Variants in PIP4K2A observed in about 807,000 individuals in gnomAD.
PIP4K2A encodes phosphatidylinositol-5-phosphate 4-kinase type 2 alpha.
In PIP4K2A, 14 loss-of-function variants were observed where a neutral mutation model predicts 42.9. The observed-to-expected ratio is 0.33, with a 90% CI of 0.22 to 0.51. The LOEUF is 0.51. PIP4K2A is among the 20% of genes least tolerant of loss of function. PIP4K2A has a pLI of 0.97. For missense variants in PIP4K2A, 434 were observed against 519.8 expected, an observed-to-expected ratio of 0.83 and a Z score of 1.61; for synonymous variants, 192 against 192.2, an observed-to-expected ratio of 1.00 and a Z score of 0.01.
chr10:22,584,638 A>G (rs950256505), intron 4 of PIP4K2A, among the ~76,000 whole-genome samples: 3 of 152,148 alleles, frequency 2.0e-5, no homozygotes, highest in Non-Finnish European at 2.9e-5. Flanking sequence ...TTGGGAACAG[A>G]GGGCTACAAA....
In PIP4K2A at chr10:22,604,310, A is replaced by ATGC. The variant is rs1837857911; in HGVS notation, c.339+3614_339+3616dup. Among the ~76,000 whole-genome samples, 3 of 152,142 alleles carry ATGC rather than the reference A, an allele frequency of 2.0e-5. No individual in the cohort carries two copies. In the South Asian group the frequency reaches 6.2e-4, roughly 32 times the overall value. On this transcript the variant is annotated intron_variant, in intron 3 of 9. Coordinates refer to ENST00000376573, the MANE Select transcript of PIP4K2A (RefSeq NM_005028.5). ...CAACTGCATAGGTTACTACTTAACC[A>ATGC]TGCTCTGCTTTAATCAGAGTGGTCT...
At chr10:22,566,265 G>GTA (rs1427466181) in intron 6 of PIP4K2A, among the ~76,000 whole-genome samples, 1 of 152,024 alleles carries the variant, frequency 6.6e-6, no homozygotes, top group African/African-American at 2.4e-5. Flanking sequence ...TCTCTCTTTT[G>GTA]TACTCTGTCC....
chr10:22,543,421 T>C (rs1836178941), intron 7 of PIP4K2A, among the ~76,000 whole-genome samples: 1 of 152,190 alleles, frequency 6.6e-6, no homozygotes, highest in Non-Finnish European at 1.5e-5. Flanking sequence ...TACACTCAAA[T>C]ATTTAAGCAA....
chr10:22,643,332 G>A (rs1488899526), intron 1 of PIP4K2A, among the ~76,000 whole-genome samples: 2 of 152,170 alleles, frequency 1.3e-5, no homozygotes, highest in African/African-American at 4.8e-5. Context: ...CTATGGCTGT[G>A]TTCGTGCTAT....
chr10:22,611,723 C>G (rs1345912746), intron 1 of PIP4K2A, among the ~76,000 whole-genome samples: 4 of 152,186 alleles, frequency 2.6e-5, no homozygotes, highest in Non-Finnish European at 4.4e-5. Flanking sequence ...GTTTATGTAT[C>G]CTTATGCTAT....
intron 5 of PIP4K2A, among the ~76,000 whole-genome samples, chr10:22,571,060 CA>C (rs1225556540): frequency 6.6e-6 from 1 of 152,104 alleles, no homozygotes; most frequent in Non-Finnish European, 1.5e-5. Flanking sequence ...CACGTCTTTT[CA>C]ATATTCTGTG....
chr10:22,665,096 AAC>A (rs1056009947), intron 1 of PIP4K2A, among the ~76,000 whole-genome samples: 1 of 152,154 alleles, frequency 6.6e-6, no homozygotes, highest in Non-Finnish European at 1.5e-5. Flanking sequence ...TTCATATACA[AAC>A]ACACACACAT....
chr10:22,698,859 G>C (rs1165693000), intron 1 of PIP4K2A, among the ~76,000 whole-genome samples: 1 of 152,090 alleles, frequency 6.6e-6, no homozygotes, highest in Non-Finnish European at 1.5e-5. Context: ...CAGAAAATAT[G>C]CTATGTATCT....
At chr10:22,544,836 G>A (rs944861380) in intron 7 of PIP4K2A, among the ~76,000 whole-genome samples, 2 of 152,142 alleles carry the variant, frequency 1.3e-5, no homozygotes, top group Non-Finnish European at 2.9e-5. Context: ...CCACTTCCTG[G>A]GCTTCTCTGG....
At chr10:22,568,716 C>G (rs763906296) in intron 5 of PIP4K2A, among the ~76,000 whole-genome samples, 39 of 152,140 alleles carry the variant, frequency 2.6e-4, no homozygotes, top group South Asian at 6.2e-4. Context: ...AGCAGAGAAA[C>G]TTCCCGTGGC....
chr10:22,586,591 C>T (rs370539624), intron 4 of PIP4K2A, among the ~76,000 whole-genome samples: 1 of 152,120 alleles, frequency 6.6e-6, no homozygotes, highest in African/African-American at 2.4e-5. Context: ...AGTGCAGTGG[C>T]ACAACCTCGG....
chr10:22,689,529 T>C (rs1316057216), intron 1 of PIP4K2A, among the ~76,000 whole-genome samples: 1 of 152,194 alleles, frequency 6.6e-6, no homozygotes, highest in Non-Finnish European at 1.5e-5. Flanking sequence ...AGTACTATAA[T>C]CTAGAGACAG....
intron 1 of PIP4K2A, among the ~76,000 whole-genome samples, chr10:22,660,019 T>G (rs1021038384): frequency 3.3e-5 from 5 of 152,132 alleles, no homozygotes; most frequent in African/African-American, 1.2e-4. Context: ...ACAGACATTG[T>G]GTCCTTAACC....
At chr10:22,641,127 T>C (rs1838775866) in intron 1 of PIP4K2A, among the ~76,000 whole-genome samples, 1 of 152,210 alleles carries the variant, frequency 6.6e-6, no homozygotes, top group African/African-American at 2.4e-5. Flanking sequence ...TCCTATGACA[T>C]ATGATGCTGC....
chr10:22,536,194 G>GA lies in PIP4K2A; in HGVS notation c.*1006dup. On this transcript the variant is annotated 3_prime_UTR_variant, in exon 10 of 10. Transcript: ENST00000376573. ...TCAAACATAAACATCTTATAATTCAGATCTGCATTTGGTAACAGGAGAATT... is the reference window on the plus strand; with the variant it reads ...TCAAACATAAACATCTTATAATTCAGAATCTGCATTTGGTAACAGGAGAATT... 2.5e-6 allele frequency: 1 copy of GA among 398,420 alleles called. No homozygotes were observed. The highest frequency in any genetic ancestry group is 4.4e-6 in the Non-Finnish European group (1 of 225,988). The allele number at this position is 398,420 out of a possible 1,614,324, so 24.7% of individuals were successfully genotyped here. A position where few individuals can be genotyped will look rare whatever the true frequency, so the allele number is the denominator to read the frequency against.
chr10:22,712,466 T>C (rs1474582888), intron 1 of PIP4K2A, among the ~76,000 whole-genome samples: 1 of 152,146 alleles, frequency 6.6e-6, no homozygotes, highest in Non-Finnish European at 1.5e-5. Context: ...ACCATAAATA[T>C]GAGTAAGCAC....
intron 1 of PIP4K2A, among the ~76,000 whole-genome samples, chr10:22,664,831 A>G (rs1839318510): frequency 6.6e-6 from 1 of 152,162 alleles, no homozygotes; most frequent in African/African-American, 2.4e-5. Flanking sequence ...GAATTAGCAG[A>G]TTTCATTAAA....
At chr10:22,705,983 T>C (rs1828971910) in intron 1 of PIP4K2A, among the ~76,000 whole-genome samples, 1 of 151,746 alleles carries the variant, frequency 6.6e-6, no homozygotes, top group South Asian at 2.1e-4. Flanking sequence ...CTTCTTCACA[T>C]GGCAGCAGCA....
intron 1 of PIP4K2A, among the ~76,000 whole-genome samples, chr10:22,697,319 G>A (rs1002510329): frequency 1.1e-4 from 16 of 152,142 alleles, no homozygotes; most frequent in Non-Finnish European, 1.9e-4. Context: ...ACAAGTGACC[G>A]GCATTATTTA....
Sources: allele counts gnomAD v4.1 joint callset (sites outside exome capture counted in the v4.1 genomes callset), GRCh38; gene constraint gnomAD v4.1.1; transcripts MANE v1.5; gene names NCBI Gene and HGNC (gene_info 2026-07-23, HGNC 2026-07-21).